ZFP92: variants seen among roughly 807,000 people sequenced by gnomAD.
ZFP92 encodes ZFP92 zinc finger protein.
In ZFP92, 2 loss-of-function variants were observed where a neutral mutation model predicts 7.6. The ratio of observed to expected loss-of-function variants is 0.26; its 90% CI spans 0.11 to 0.83. The LOEUF is 0.83. Ranked by LOEUF, ZFP92 falls within the 40% of genes least tolerant of loss-of-function variation. The pLI, the probability that ZFP92 is intolerant of heterozygous loss-of-function variation, is 0.65. For synonymous variants in ZFP92, 226 were observed against 183.6 expected (o/e 1.23, Z -1.87); for missense variants, 324 against 408.3 (o/e 0.79, Z 1.78).
In ZFP92 at chrX:153,422,362, C is replaced by G. The variant is rs1288115103; in HGVS notation, c.*734C>G. ...CTGGGAGGAGGAGCAGCGCCCAGGC[C>G]CCATCATCCCTGAGCACCAGTGGTT... On this transcript the variant is annotated 3_prime_UTR_variant, in exon 6 of 6. Coordinates refer to ENST00000338647, the MANE Select transcript of ZFP92 (RefSeq NM_001136273.2). The G allele has an allele frequency of 1.8e-5, 2 of 111,930 alleles. No homozygotes were observed. Among genetic ancestry groups the G allele is most frequent in the Non-Finnish European group, 3.8e-5 (2 of 53,164 alleles). 9.2% of individuals were successfully genotyped at this position (111,930 alleles called of 1,213,427 possible).
chrX:153,415,450 A>G (rs1349069757), intron 2 of ZFP92, among the ~76,000 whole-genome samples: 1 of 111,917 alleles, frequency 8.9e-6, no homozygotes, highest in Non-Finnish European at 1.9e-5. Context: ...ATGGCCAAAT[A>G]CTTTTCCATT....
chrX:153,416,193 C>T lies in ZFP92; in HGVS notation c.-18-2112C>T, dbSNP rs782081931. 2.6e-4 allele frequency among the ~76,000 whole-genome samples: 29 copies of T among 111,453 alleles called. No homozygotes were observed. The South Asian group carries it at 8.0e-3, about 31-fold the overall frequency. ...CACTGGACATTGAGTGCCAAGGCTG[C>T]GTTCAAATCCAGTCATATGGCTTTG... On this transcript the variant is annotated intron_variant, in intron 2 of 5. Coordinates refer to ENST00000338647, the MANE Select transcript of ZFP92 (RefSeq NM_001136273.2).
At position 153,418,597 on chromosome X, in the gene ZFP92, C is replaced by T. The variant is rs1556974330; in HGVS notation, c.34-76C>T. On this transcript the variant is annotated intron_variant, in intron 3 of 5. Coordinates refer to ENST00000338647, the MANE Select transcript of ZFP92 (RefSeq NM_001136273.2). ...CTTCCAGGGCTCCCCCCGCCCCCCA[C>T]ATTTTGTTTCTGTCAGCTCCTCCAG... The T allele has an allele frequency of 3.5e-6, 4 of 1,135,766 alleles. No homozygotes were observed. In the East Asian group the frequency reaches 9.9e-5, roughly 28 times the overall value. 93.6% of individuals were successfully genotyped at this position (1,135,766 alleles called of 1,213,427 possible). A position where few individuals can be genotyped will look rare whatever the true frequency, so the allele number is the denominator to read the frequency against.
At chrX:153,419,424 T>A (rs782235140) in intron 4 of ZFP92, among the ~76,000 whole-genome samples, 2 of 112,501 alleles carry the variant, frequency 1.8e-5, no homozygotes, top group South Asian at 7.3e-4. Context: ...GCCGGAGCAC[T>A]CAGGAAGGTT....
At position 153,420,861 on chromosome X, in the gene ZFP92, A is replaced by G; in HGVS notation, c.484A>G (p.Ser162Gly). Residue 162 changes from serine to glycine, a missense_variant, in exon 6 of 6, where the codon AGC (serine) becomes GGC (glycine). By Grantham distance (56) the Ser-to-Gly change is moderately conservative. Coordinates refer to ENST00000338647, the MANE Select transcript of ZFP92 (RefSeq NM_001136273.2). ...GTGCCAGCAGTGTGGGAAGGCCTTCAGCCGCAGCTCCAACCTCATCAAGCA... is the reference window on the plus strand; with the variant it reads ...GTGCCAGCAGTGTGGGAAGGCCTTCGGCCGCAGCTCCAACCTCATCAAGCA... Reference protein sequence around the residue: ...YLCQQCGKAFSRSSNLIKHRI... With the variant: ...YLCQQCGKAFGRSSNLIKHRI... 1 of 1,185,478 alleles carries G rather than the reference A, an allele frequency of 8.4e-7. No homozygotes were observed. Among genetic ancestry groups the G allele is most frequent in the Non-Finnish European group, 1.1e-6 (1 of 882,233 alleles).
intron 2 of ZFP92, among the ~76,000 whole-genome samples, chrX:153,413,185 G>C (rs2088923095): frequency 9.2e-6 from 1 of 109,018 alleles, no homozygotes; most frequent in African/African-American, 3.3e-5. Context: ...GGATGAAAAA[G>C]CCCAAATTCC....
At chrX:153,412,149 G>C (rs1250503935) in intron 2 of ZFP92, among the ~76,000 whole-genome samples, 136 bp downstream of exon 2, 1 of 112,689 alleles carries the variant, frequency 8.9e-6, no homozygotes, top group Non-Finnish European at 1.9e-5. Flanking sequence ...TGCTCCAGAG[G>C]GTATCAGGTG....
Position 153,421,854 on chromosome X carries a change from C to A in ZFP92, c.*226C>A. 2 of 330,048 alleles carry A rather than the reference C, an allele frequency of 6.1e-6. No homozygotes were observed. The highest frequency in any genetic ancestry group is 9.1e-6 in the Non-Finnish European group (2 of 220,857). 27.2% of individuals were successfully genotyped at this position (330,048 alleles called of 1,213,427 possible). On this transcript the variant is annotated 3_prime_UTR_variant, in exon 6 of 6. Coordinates refer to ENST00000338647, the MANE Select transcript of ZFP92 (RefSeq NM_001136273.2). ...AGGACTGCCGCCTGCCCTGGCTCCT[C>A]CATCAACGGCAGTGCGGGCTGGGAA...
In ZFP92 at chrX:153,417,627, G is replaced by A. The variant is rs1271282672; in HGVS notation, c.-18-678G>A. On this transcript the variant is annotated intron_variant, in intron 2 of 5. Coordinates refer to ENST00000338647, the MANE Select transcript of ZFP92 (RefSeq NM_001136273.2). ...GAGAGAGCTAAGAAAAGCAGCAAAA[G>A]AAGAAAAGAAAGGAAAGAAGGAACG... Among the ~76,000 whole-genome samples the A allele has an allele frequency of 3.6e-5, 4 of 112,058 alleles. No homozygotes were observed. In the East Asian group the frequency reaches 1.1e-3, roughly 31 times the overall value.
At chrX:153,412,927 C>T (rs1231296085) in intron 2 of ZFP92, among the ~76,000 whole-genome samples, 1 of 112,032 alleles carries the variant, frequency 8.9e-6, no homozygotes, top group Non-Finnish European at 1.9e-5. Context: ...CAAGGCCTGC[C>T]CAGCTGCAAG....
In ZFP92 at chrX:153,421,586, G is replaced by A; in HGVS notation, c.1209G>A (p.Arg403=). 1 of 1,033,974 alleles carries A rather than the reference G, an allele frequency of 9.7e-7. No homozygotes were observed. The highest frequency in any genetic ancestry group is 1.2e-6 in the Non-Finnish European group (1 of 815,195). 85.2% of individuals were successfully genotyped at this position (1,033,974 alleles called of 1,213,427 possible). Residue 403 remains arginine (R), a synonymous_variant, in exon 6 of 6, where the codon CGG becomes CGA. Transcript: ENST00000338647. The part of the protein sequence containing the change: ...GSAVAATSPP[R]PSTAARPSRP... Reference sequence around the variant, plus strand: ...CGGTGGCGGCCACCAGCCCCCCGCGGCCGAGCACAGCCGCCAGGCCTTCCA... The same window carrying A: ...CGGTGGCGGCCACCAGCCCCCCGCGACCGAGCACAGCCGCCAGGCCTTCCA...
intron 3 of ZFP92, 41 bp downstream of exon 3, chrX:153,418,396 C>A (rs1556974259): frequency 8.6e-7 from 1 of 1,159,486 alleles, no homozygotes; most frequent in Admixed American, 2.6e-5. Context: ...CCCCTGGCAG[C>A]CCCCGTCTGC....
chrX:153,412,513 C>G (rs1569529368), intron 2 of ZFP92, among the ~76,000 whole-genome samples: 1 of 112,266 alleles, frequency 8.9e-6, no homozygotes, highest in Non-Finnish European at 1.9e-5. Flanking sequence ...GCAGTAAGAG[C>G]CGGGGAAGGG....
intron 4 of ZFP92, 30 bp from the exon 5 acceptor site, chrX:153,420,198 G>T: frequency 8.9e-7 from 1 of 1,128,405 alleles, no homozygotes; most frequent in Non-Finnish European, 1.2e-6. Context: ...AGCCATAGTG[G>T]TCTTGACCTG....
chrX:153,418,609 G>C, intron 3 of ZFP92, 64 bp from the exon 4 acceptor site: 11 of 1,147,389 alleles, frequency 9.6e-6, no homozygotes, highest in African/African-American at 1.8e-5. Context: ...TTTTGTTTCT[G>C]TCAGCTCCTC....
Position 153,422,379 on chromosome X carries a change from C to G in ZFP92, c.*751C>G, listed in dbSNP as rs1423383073. The G allele has an allele frequency of 8.9e-6, 1 of 111,872 alleles. No homozygotes were observed. Among genetic ancestry groups the G allele is most frequent in the Non-Finnish European group, 1.9e-5 (1 of 53,173 alleles). 9.2% of individuals were successfully genotyped at this position (111,872 alleles called of 1,213,427 possible). A position where few individuals can be genotyped will look rare whatever the true frequency, so the allele number is the denominator to read the frequency against. ...GCCCAGGCCCCATCATCCCTGAGCA[C>G]CAGTGGTTCTGGGAATGGCTAGCCC... On this transcript the variant is annotated 3_prime_UTR_variant, in exon 6 of 6. Coordinates refer to ENST00000338647, the MANE Select transcript of ZFP92 (RefSeq NM_001136273.2).
At chrX:153,418,264 G>C in intron 2 of ZFP92, 41 bp from the exon 3 acceptor site, 5 of 1,162,352 alleles carry the variant, frequency 4.3e-6, no homozygotes, top group Non-Finnish European at 5.8e-6. Context: ...GCTGCTCCAG[G>C]CTGCCCTGGG....
chrX:153,419,869 T>C (rs1435870033), intron 4 of ZFP92, among the ~76,000 whole-genome samples: 1 of 112,195 alleles, frequency 8.9e-6, no homozygotes, highest in African/African-American at 3.2e-5. Flanking sequence ...GGCCTATGGC[T>C]GTCGGCCTCC....
chrX:153,416,990 G>A (rs2088957468), intron 2 of ZFP92, among the ~76,000 whole-genome samples: 1 of 111,492 alleles, frequency 9.0e-6, no homozygotes, highest in African/African-American at 3.3e-5. Context: ...TCACCCCTGA[G>A]GGAGGGCATT....
Sources: allele counts gnomAD v4.1 joint callset (sites outside exome capture counted in the v4.1 genomes callset), GRCh38; gene constraint gnomAD v4.1.1; transcripts MANE v1.5; gene names NCBI Gene and HGNC (gene_info 2026-07-23, HGNC 2026-07-21).